The following RAB27B variants were observed in gnomAD, a reference collection of about 807,000 sequenced individuals.
The protein encoded by RAB27B is ras-related protein Rab-27B.
In RAB27B, 15 loss-of-function variants were observed where a neutral mutation model predicts 24.6. That is an observed-to-expected ratio of 0.61 (90% confidence interval 0.41 to 0.94). RAB27B has a LOEUF of 0.94. Ranked by LOEUF, RAB27B falls within the 40% of genes least tolerant of loss-of-function variation. The pLI, the probability that RAB27B is intolerant of heterozygous loss-of-function variation, is 0.00. For synonymous variants in RAB27B, 105 were observed against 92.5 expected (o/e 1.14, Z -0.78); for missense variants, 261 against 266.8 (o/e 0.98, Z 0.15).
intron 2 of RAB27B, among the ~76,000 whole-genome samples, chr18:54,719,275 T>A (rs557925649): frequency 2.6e-5 from 4 of 152,118 alleles, no homozygotes; most frequent in Non-Finnish European, 5.9e-5. Context: ...TCAAAGTGTT[T>A]AGGTATCAAA....
At chr18:54,771,045 C>T (rs1389626271) in intron 2 of RAB27B, among the ~76,000 whole-genome samples, 1 of 152,092 alleles carries the variant, frequency 6.6e-6, no homozygotes, top group Non-Finnish European at 1.5e-5. Context: ...TTGAAGGCTC[C>T]ATGCAGTATG....
chr18:54,756,191 A>C (rs1053234741), intron 2 of RAB27B, among the ~76,000 whole-genome samples: 3 of 152,190 alleles, frequency 2.0e-5, no homozygotes, highest in Admixed American at 1.3e-4. Context: ...CATTGTACAA[A>C]AATCAACAGG....
chr18:54,758,007 C>G (rs1476620290), intron 2 of RAB27B, among the ~76,000 whole-genome samples: 1 of 151,978 alleles, frequency 6.6e-6, no homozygotes, highest in Non-Finnish European at 1.5e-5. Context: ...GAGTTTCACT[C>G]TTGTTGCCTA....
At chr18:54,883,082 G>T (rs1335171886) in intron 3 of RAB27B, among the ~76,000 whole-genome samples, 1 of 152,124 alleles carries the variant, frequency 6.6e-6, no homozygotes, top group Non-Finnish European at 1.5e-5. Context: ...AAGGGATCAT[G>T]GCAACCAGAA....
At chr18:54,787,359 C>G (rs1215631526) in intron 2 of RAB27B, among the ~76,000 whole-genome samples, 1 of 152,088 alleles carries the variant, frequency 6.6e-6, no homozygotes, top group African/African-American at 2.4e-5. Context: ...TAAAAGTGAG[C>G]AAAGAATCAT....
intron 2 of RAB27B, among the ~76,000 whole-genome samples, chr18:54,731,533 C>G (rs1909732294): frequency 6.6e-6 from 1 of 152,002 alleles, no homozygotes; most frequent in South Asian, 2.1e-4. Context: ...CCAGCCTGAC[C>G]AATGTGAAGA....
intron 1 of RAB27B, among the ~76,000 whole-genome samples, chr18:54,872,327 A>G (rs994807553): frequency 1.3e-5 from 2 of 152,174 alleles, no homozygotes; most frequent in East Asian, 1.9e-4. Context: ...AACTTAAGAT[A>G]GAAAAATGAG....
At chr18:54,824,580 G>T (rs1910414079), upstream of RAB27B, among the ~76,000 whole-genome samples, 1 of 152,194 alleles carries the variant, frequency 6.6e-6, no homozygotes, top group Admixed American at 6.5e-5. Flanking sequence ...AGGGAAGAGG[G>T]GAAGTGTGGA....
intron 1 of RAB27B, among the ~76,000 whole-genome samples, chr18:54,876,942 G>T (rs1260266580): frequency 1.3e-5 from 2 of 151,854 alleles, no homozygotes; most frequent in Non-Finnish European, 2.9e-5. Context: ...TTTACTTTAA[G>T]TTCTACTATT....
chr18:54,785,677 G>A (rs1034085536), intron 2 of RAB27B, among the ~76,000 whole-genome samples: 1 of 151,950 alleles, frequency 6.6e-6, no homozygotes, highest in African/African-American at 2.4e-5. Flanking sequence ...TTTGTTCCCT[G>A]TTCTATGCTC....
intron 2 of RAB27B, among the ~76,000 whole-genome samples, chr18:54,821,965 C>T (rs1307355880): frequency 3.9e-5 from 6 of 152,130 alleles, no homozygotes; most frequent in African/African-American, 1.4e-4. Context: ...GTCGGCCAGG[C>T]TGGTCTGAAA....
chr18:54,805,472 A>C (rs1909762458), intron 2 of RAB27B, among the ~76,000 whole-genome samples: 1 of 152,200 alleles, frequency 6.6e-6, no homozygotes, highest in Non-Finnish European at 1.5e-5. Flanking sequence ...GGTACTTTCT[A>C]GGTACATATA....
intron 2 of RAB27B, among the ~76,000 whole-genome samples, chr18:54,789,895 C>T (rs1044909933): frequency 2.0e-5 from 3 of 152,058 alleles, no homozygotes; most frequent in African/African-American, 7.2e-5. Context: ...TTTGCTTTTA[C>T]CTTTGAGCAG....
intron 1 of RAB27B, among the ~76,000 whole-genome samples, chr18:54,837,485 A>G (rs981972110): frequency 1.3e-4 from 20 of 152,190 alleles, no homozygotes; most frequent in African/African-American, 4.3e-4. Flanking sequence ...CATTTGAGGT[A>G]CCTGTGGTTA....
rs566684326 is a variant in RAB27B at position 54,724,017 on chromosome 18, G to A, written c.-20+5876G>A. Among the ~76,000 whole-genome samples the A allele has an allele frequency of 4.9e-5, 7 of 143,954 alleles. No homozygotes were observed. The South Asian group carries it at 1.3e-3, about 28-fold the overall frequency. 94.4% of individuals were successfully genotyped at this position (143,954 alleles called of 152,430 possible). A position where few individuals can be genotyped will look rare whatever the true frequency, so the allele number is the denominator to read the frequency against. On this transcript the variant is annotated intron_variant, in intron 2 of 4. Transcript: ENST00000586570. ...CCATGGCATAGTGGCCAAAATGTGT[G>A]CTCTTTAGGGAACATACTTTTATAA...
chr18:54,877,055 T>G, intron 1 of RAB27B, among the ~76,000 whole-genome samples: 1 of 152,180 alleles, frequency 6.6e-6, no homozygotes, highest in Non-Finnish European at 1.5e-5. Flanking sequence ...GGAGGTAATT[T>G]AATCCTGGGG....
At chr18:54,838,404 G>A (rs918935293) in intron 1 of RAB27B, among the ~76,000 whole-genome samples, 3 of 151,862 alleles carry the variant, frequency 2.0e-5, no homozygotes, top group Non-Finnish European at 4.4e-5. Flanking sequence ...CTAGTCCACT[G>A]TTTGAAAAAG....
intron 1 of RAB27B, among the ~76,000 whole-genome samples, chr18:54,854,382 C>T (rs1433810908): frequency 1.3e-5 from 2 of 152,162 alleles, no homozygotes; most frequent in African/African-American, 4.8e-5. Flanking sequence ...TTAGGATTTT[C>T]ATTGGTAGAA....
In RAB27B at chr18:54,893,763, A is replaced by G. The variant is rs912198704; in HGVS notation, c.*4350A>G. On this transcript the variant is annotated 3_prime_UTR_variant, in exon 6 of 6. Transcript: ENST00000262094. ...ATTTCTGGGTGGAGACCCAACTACA[A>G]TGACATTGTCATGCCAGAACTATAA... 6.6e-6 allele frequency: 1 copy of G among 152,006 alleles called. No individual in the cohort carries two copies. The highest frequency in any genetic ancestry group is 2.4e-5 in the African/African-American group (1 of 41,434). The allele number at this position is 152,006 out of a possible 1,614,324, so 9.4% of individuals were successfully genotyped here. A position where few individuals can be genotyped will look rare whatever the true frequency, so the allele number is the denominator to read the frequency against.
Sources: allele counts gnomAD v4.1 joint callset (sites outside exome capture counted in the v4.1 genomes callset), GRCh38; gene constraint gnomAD v4.1.1; transcripts MANE v1.5; gene names NCBI Gene and HGNC (gene_info 2026-07-23, HGNC 2026-07-21).